The following PCDH17 variants were observed in gnomAD, a reference collection of about 807,000 sequenced individuals.
PCDH17 encodes protocadherin 17, also known as protocadherin-17.
In PCDH17, 21 loss-of-function variants were observed where a neutral mutation model predicts 67.7. That is an observed-to-expected ratio of 0.31 (90% CI 0.22 to 0.45). PCDH17 has a LOEUF of 0.45. Ranked by LOEUF, PCDH17 falls within the 20% of genes least tolerant of loss-of-function variation. The pLI, the probability that PCDH17 is intolerant of heterozygous loss-of-function variation, is 1.00. For missense variants in PCDH17, 1,471 were observed against 1,564.8 expected (o/e 0.94, Z 1.01); for synonymous variants, 701 against 656.7 (o/e 1.07, Z -1.03).
chr13:57,717,595 T>A (rs1046572281), intron 3 of PCDH17, among the ~76,000 whole-genome samples: 1 of 151,974 alleles, frequency 6.6e-6, no homozygotes, highest in Non-Finnish European at 1.5e-5. Context: ...GCTTATGATA[T>A]AGGACAGTGA....
rs2137970645 is a variant in PCDH17 at position 57,634,000 on chromosome 13, A to T, written c.1454A>T (p.Asn485Ile). 1 of 1,613,532 alleles carries T rather than the reference A, an allele frequency of 6.2e-7. No homozygotes were observed. Among genetic ancestry groups the T allele is most frequent in the Non-Finnish European group, 8.5e-7 (1 of 1,179,996 alleles). Residue 485 changes from asparagine to isoleucine, a missense_variant, in exon 1 of 4, where the codon AAC (asparagine) becomes ATC (isoleucine). Asn to Ile is a moderately radical substitution (Grantham distance 149). Coordinates refer to ENST00000377918, the MANE Select transcript of PCDH17 (RefSeq NM_001040429.3). The surrounding 1 kb of genome is among the most constrained non-coding windows in gnomAD (Gnocchi z 6.2). ...GLYVLQVHEN[N>I]IPGEYLGSVL... ...TACGTGCTTCAGGTGCACGAGAACA[A>T]CATCCCGGGAGAGTACCTGGGCTCT...
Position 57,634,772 on chromosome 13 carries a change from C to T in PCDH17, c.2226C>T (p.Cys742=). The T allele has an allele frequency of 6.2e-7, 1 of 1,614,060 alleles. No individual in the cohort carries two copies. The change falls in exon 1 of 4, where the codon TGC becomes TGT. Residue 742 remains cysteine, a synonymous_variant. Coordinates refer to ENST00000377918, the MANE Select transcript of PCDH17 (RefSeq NM_001040429.3). The surrounding 1 kb of genome is among the most constrained non-coding windows in gnomAD (Gnocchi z 7.8). ...RENKEIRTYN[C]RIAEYSHPQL... ...ACAAGGAGATCCGCACTTACAACTGCCGCATCGCCGAGTACAGCCACCCGC... is the reference window on the plus strand; with the variant it reads ...ACAAGGAGATCCGCACTTACAACTGTCGCATCGCCGAGTACAGCCACCCGC...
At chr13:57,678,852 A>AT (rs1225668639) in intron 3 of PCDH17, among the ~76,000 whole-genome samples, 2 of 151,568 alleles carry the variant, frequency 1.3e-5, no homozygotes, top group East Asian at 3.9e-4. Flanking sequence ...GTTCTCATGA[A>AT]TTTTTGAAAA....
chr13:57,680,401 C>A (rs1955437683), intron 3 of PCDH17, among the ~76,000 whole-genome samples: 1 of 151,410 alleles, frequency 6.6e-6, no homozygotes, highest in South Asian at 2.1e-4. Flanking sequence ...GCAAATAAAT[C>A]AAAATATTTT....
chr13:57,692,312 T>C (rs1269179355), intron 3 of PCDH17, among the ~76,000 whole-genome samples: 2 of 151,326 alleles, frequency 1.3e-5, no homozygotes, highest in Admixed American at 6.6e-5. Context: ...TTACGTTAAC[T>C]AACTGCTCTC....
intron 3 of PCDH17, among the ~76,000 whole-genome samples, chr13:57,723,066 A>G (rs908442651): frequency 2.0e-5 from 3 of 152,226 alleles, no homozygotes; most frequent in Admixed American, 2.0e-4. Context: ...CTGTGGATGC[A>G]CTGTGTGACT....
chr13:57,687,610 A>T (rs1189506176), intron 3 of PCDH17, among the ~76,000 whole-genome samples: 3 of 152,078 alleles, frequency 2.0e-5, no homozygotes. Flanking sequence ...CTTGAAAAAA[A>T]TTAAAAAGAA....
At chr13:57,692,915 T>A (rs1446457074) in intron 3 of PCDH17, among the ~76,000 whole-genome samples, 1 of 151,136 alleles carries the variant, frequency 6.6e-6, no homozygotes, top group Non-Finnish European at 1.5e-5. Flanking sequence ...TATTTGAACT[T>A]GTTTTAGAAT....
chr13:57,706,729 T>C (rs892120566), intron 3 of PCDH17, among the ~76,000 whole-genome samples: 4 of 152,174 alleles, frequency 2.6e-5, no homozygotes, highest in African/African-American at 7.2e-5. Context: ...AAGAGAGTTC[T>C]CTATAGATCC....
At chr13:57,677,857 T>A (rs776148923) in intron 3 of PCDH17, among the ~76,000 whole-genome samples, 4 of 151,720 alleles carry the variant, frequency 2.6e-5, no homozygotes, top group African/African-American at 9.7e-5. Context: ...ACTGATCTCA[T>A]AGAAGTAGAG....
chr13:57,633,158 G>C lies in PCDH17; in HGVS notation c.612G>C (p.Glu204Asp). 1 of 1,613,434 alleles carries C rather than the reference G, an allele frequency of 6.2e-7. No individual in the cohort carries two copies. The highest frequency in any genetic ancestry group is 8.5e-7 in the Non-Finnish European group (1 of 1,179,990). The change falls in exon 1 of 4, where the codon GAG (glutamate) becomes GAC (aspartate). Residue 204 changes from glutamate (E) to aspartate (D), a missense_variant. Around this residue, in one of 3 missense-constraint regions of PCDH17, gnomAD observed 1,163 missense variants for 1,230.0 expected, o/e 0.95. Transcript: ENST00000377918. This position sits in a 1 kb window ranked among gnomAD's most constrained non-coding sequence, Gnocchi z 6.2. ...TCATCCAGAAGGCTCTGGACCGCGA[G>C]CAACAGAATCACCATACGCTCGTGC... ...ELVIQKALDR[E>D]QQNHHTLVLT...
chr13:57,725,362 G>T lies in PCDH17; in HGVS notation c.*68G>T. ...TGTTGATTTAAAAATGATCCCTCCT[G>T]GTGATAACCCATTTTACAGGGATGA... On this transcript the variant is annotated 3_prime_UTR_variant, in exon 4 of 4. Transcript: ENST00000377918. The T allele has an allele frequency of 7.3e-7, 1 of 1,378,536 alleles. No homozygotes were observed. The allele number at this position is 1,378,536 out of a possible 1,614,324, so 85.4% of individuals were successfully genotyped here. A position where few individuals can be genotyped will look rare whatever the true frequency, so the allele number is the denominator to read the frequency against.
chr13:57,676,898 G>A (rs1324379027), intron 3 of PCDH17, among the ~76,000 whole-genome samples: 1 of 151,810 alleles, frequency 6.6e-6, no homozygotes, highest in Non-Finnish European at 1.5e-5. Context: ...AGTCCTGAGG[G>A]CAGTCCCAAA....
intron 3 of PCDH17, among the ~76,000 whole-genome samples, chr13:57,669,685 T>C (rs188275796): frequency 1.3e-5 from 2 of 152,178 alleles, no homozygotes; most frequent in East Asian, 3.9e-4. Flanking sequence ...ATCTTACATA[T>C]AAAAAATAAG....
chr13:57,700,492 T>G (rs577518989), intron 3 of PCDH17, among the ~76,000 whole-genome samples: 1 of 152,150 alleles, frequency 6.6e-6, no homozygotes, highest in African/African-American at 2.4e-5. Context: ...CTAATTTTTG[T>G]ATTTTTAGTA....
Position 57,727,836 on chromosome 13 carries a change from GAT to G in PCDH17, c.*2545_*2546del, listed in dbSNP as rs1955926186. On this transcript the variant is annotated 3_prime_UTR_variant, in exon 4 of 4. Coordinates refer to ENST00000377918, the MANE Select transcript of PCDH17 (RefSeq NM_001040429.3). ...AGTGTTGCTTCTCTCTTACTAGACAGATATCCACTTAGTAAAATCTAAAGCAG... is the reference window on the plus strand; with the variant it reads ...AGTGTTGCTTCTCTCTTACTAGACAGATCCACTTAGTAAAATCTAAAGCAG... 6.6e-6 allele frequency: 1 copy of G among 152,358 alleles called. No individual in the cohort carries two copies. Among genetic ancestry groups the G allele is most frequent in the African/African-American group, 2.4e-5 (1 of 41,432 alleles). 9.4% of individuals were successfully genotyped at this position (152,358 alleles called of 1,614,324 possible).
intron 3 of PCDH17, among the ~76,000 whole-genome samples, chr13:57,675,913 G>A (rs1267804332): frequency 1.3e-5 from 2 of 151,836 alleles, no homozygotes; most frequent in East Asian, 1.9e-4. Flanking sequence ...GAGGCCCAGA[G>A]TAGTGAAGAG....
chr13:57,713,659 C>T (rs527973472), intron 3 of PCDH17, among the ~76,000 whole-genome samples: 1 of 151,580 alleles, frequency 6.6e-6, no homozygotes, highest in East Asian at 1.9e-4. Flanking sequence ...TAGAAAGATT[C>T]CACTTCATAG....
At chr13:57,682,596 C>T (rs1231315254) in intron 3 of PCDH17, among the ~76,000 whole-genome samples, 1 of 151,842 alleles carries the variant, frequency 6.6e-6, no homozygotes, top group Admixed American at 6.6e-5. Context: ...AAAGAGGCGT[C>T]TAGTGCTGAG....
Sources: allele counts gnomAD v4.1 joint callset (sites outside exome capture counted in the v4.1 genomes callset), GRCh38; gene constraint gnomAD v4.1.1; regional missense constraint gnomAD v4.1.1; non-coding constraint Gnocchi (gnomAD v3.1); transcripts MANE v1.5; gene names NCBI Gene and HGNC (gene_info 2026-07-23, HGNC 2026-07-21).